Variants in MRTFA observed in about 807,000 individuals in gnomAD.
MRTFA encodes myocardin related transcription factor A.
A neutral mutation model predicts 83.5 loss-of-function variants in MRTFA; 20 were observed. That is an observed-to-expected ratio of 0.24 (90% CI 0.17 to 0.35). The LOEUF (loss-of-function observed/expected upper bound fraction) is 0.35. Among genes scored for constraint, MRTFA ranks in the 10% least tolerant of loss-of-function variants. The probability of loss-of-function intolerance (pLI) is 1.00; values close to 1 mark genes in which losing one functional copy is unlikely to be tolerated. For synonymous variants in MRTFA, 659 were observed against 541.2 expected (o/e 1.22, Z -3.02); for missense variants, 1,200 against 1,224.7 (o/e 0.98, Z 0.30).
chr22:40,485,034 T>C (rs1381927560), intron 3 of MRTFA, among the ~76,000 whole-genome samples: 2 of 149,390 alleles, frequency 1.3e-5, no homozygotes, highest in Non-Finnish European at 3.0e-5. Flanking sequence ...ATTGCGCCAC[T>C]GCACTCCAGC....
intron 3 of MRTFA, among the ~76,000 whole-genome samples, chr22:40,465,353 C>T (rs557239960): frequency 6.6e-6 from 1 of 152,190 alleles, no homozygotes; most frequent in South Asian, 2.1e-4. Context: ...AAGGATGTTA[C>T]AAACAGTCTG....
intron 1 of MRTFA, among the ~76,000 whole-genome samples, chr22:40,615,553 A>C (rs1422070761): frequency 6.6e-6 from 1 of 152,194 alleles, no homozygotes; most frequent in Non-Finnish European, 1.5e-5. Context: ...TTATTTGGGG[A>C]AGACTGGACA....
chr22:40,474,964 G>A (rs368911617), intron 3 of MRTFA, among the ~76,000 whole-genome samples: 4 of 151,880 alleles, frequency 2.6e-5, no homozygotes, highest in East Asian at 1.9e-4. Flanking sequence ...TCAGCCATCC[G>A]AGTAGCTGGG....
intron 3 of MRTFA, among the ~76,000 whole-genome samples, chr22:40,509,535 T>C (rs1309674675): frequency 6.6e-6 from 1 of 152,242 alleles, no homozygotes; most frequent in Non-Finnish European, 1.5e-5. Context: ...GGTGAGCTTC[T>C]CTTTCTCATC....
chr22:40,460,198 T>C (rs1276529396), intron 4 of MRTFA, among the ~76,000 whole-genome samples: 1 of 152,074 alleles, frequency 6.6e-6, no homozygotes, highest in Non-Finnish European at 1.5e-5. Context: ...GTGCTGGGAT[T>C]ATAGGTGTGA....
At chr22:40,449,004 G>A (rs974030612) in intron 4 of MRTFA, among the ~76,000 whole-genome samples, 2 of 152,164 alleles carry the variant, frequency 1.3e-5, no homozygotes, top group Non-Finnish European at 2.9e-5. Flanking sequence ...AGTGGCTCAC[G>A]CCTGTAATCC....
chr22:40,453,952 C>A (rs890753985), intron 4 of MRTFA, among the ~76,000 whole-genome samples: 3 of 152,130 alleles, frequency 2.0e-5, no homozygotes, highest in African/African-American at 7.2e-5. Flanking sequence ...AGGAAGAGGG[C>A]AAGCTCATAA....
chr22:40,498,278 T>TATATATATA (rs2054395334), intron 3 of MRTFA, among the ~76,000 whole-genome samples: 2 of 95,530 alleles, frequency 2.1e-5, no homozygotes, highest in East Asian at 3.3e-4. Context: ...TATATATTTT[T>TATATATATA]TTTTTTTTTT....
chr22:40,508,831 G>A (rs547561082), intron 3 of MRTFA, among the ~76,000 whole-genome samples: 1 of 148,772 alleles, frequency 6.7e-6, no homozygotes, highest in African/African-American at 2.5e-5. Flanking sequence ...GCAACATAGC[G>A]AGACTCTGCC....
At chr22:40,428,670 C>T (rs2053004482) in intron 7 of MRTFA, among the ~76,000 whole-genome samples, 2 of 152,276 alleles carry the variant, frequency 1.3e-5, no homozygotes, top group East Asian at 1.9e-4. Flanking sequence ...TGTGTTACCA[C>T]ACCCAGCTAA....
chr22:40,621,182 TAAA>T (rs764914497), intron 1 of MRTFA, among the ~76,000 whole-genome samples: 2 of 132,970 alleles, frequency 1.5e-5, no homozygotes, highest in Admixed American at 7.7e-5. Flanking sequence ...ACTCTGTCTT[TAAA>T]AAAAAAAAAA....
At chr22:40,628,871 G>GCAAC (rs1292730653) in intron 1 of MRTFA, among the ~76,000 whole-genome samples, 2 of 152,096 alleles carry the variant, frequency 1.3e-5, no homozygotes, top group East Asian at 3.9e-4. Flanking sequence ...AGAACTGAAG[G>GCAAC]CAACTTGAGC....
intron 5 of MRTFA, among the ~76,000 whole-genome samples, chr22:40,432,493 A>AAT (rs761843225): frequency 1.3e-4 from 20 of 151,896 alleles, no homozygotes; most frequent in South Asian, 4.2e-4. Context: ...GGCTAATTAT[A>AAT]ATATATATAT....
intron 2 of MRTFA, among the ~76,000 whole-genome samples, chr22:40,577,529 C>A (rs139612269): frequency 6.6e-6 from 1 of 152,024 alleles, no homozygotes; most frequent in African/African-American, 2.4e-5. Flanking sequence ...GGGCACTACC[C>A]ATCTCTGACA....
Position 40,417,449 on chromosome 22 carries a change from C to T in MRTFA, c.2409G>A (p.Gln803=), listed in dbSNP as rs573351693. The change falls in exon 13 of 15, where the codon CAG becomes CAA. Residue 803 remains glutamine, a synonymous_variant. Coordinates refer to ENST00000355630, the MANE Select transcript of MRTFA (RefSeq NM_020831.6). The stretch of plus-strand genomic sequence containing the variant: ...GCTGCAGTGGGTGCTCCAGGTCCAT[C>T]TGGGCAGAGGGGGCAGGCGCTGGAG... 6.2e-7 allele frequency: 1 copy of T among 1,602,250 alleles called. No individual in the cohort carries two copies. Among genetic ancestry groups the T allele is most frequent in the Admixed American group, 1.7e-5 (1 of 58,308 alleles).
intron 4 of MRTFA, among the ~76,000 whole-genome samples, chr22:40,458,847 G>A (rs1296824191): frequency 6.6e-6 from 1 of 152,070 alleles, no homozygotes; most frequent in African/African-American, 2.4e-5. Flanking sequence ...GAAGGCCGAG[G>A]TGGGCAGATC....
At chr22:40,433,241 T>G (rs1240855902) in intron 5 of MRTFA, 1 of 157,558 alleles carries the variant, frequency 6.3e-6, no homozygotes, top group Non-Finnish European at 1.4e-5. Context: ...ACCAGAGAAC[T>G]TTCAGGGCCA....
intron 2 of MRTFA, among the ~76,000 whole-genome samples, chr22:40,558,058 G>C (rs932028771): frequency 3.3e-5 from 5 of 151,798 alleles, no homozygotes; most frequent in Non-Finnish European, 7.4e-5. Context: ...ACAGGCATGA[G>C]AGCTCACCGA....
In MRTFA at chr22:40,487,758, T is replaced by C. The variant is rs139206278; in HGVS notation, c.242-24472A>G. On this transcript the variant is annotated intron_variant, in intron 3 of 14. Coordinates refer to ENST00000355630, the MANE Select transcript of MRTFA (RefSeq NM_020831.6). ...TCCTTCTGGAGGCCAGAATCGTTAA[T>C]GAGACTGAATAAAACTGAATTAGGA... 2.6e-5 allele frequency among the ~76,000 whole-genome samples: 4 copies of C among 152,358 alleles called. No individual in the cohort carries two copies. The East Asian group carries it at 5.8e-4, about 22-fold the overall frequency.
Sources: allele counts gnomAD v4.1 joint callset (sites outside exome capture counted in the v4.1 genomes callset), GRCh38; gene constraint gnomAD v4.1.1; transcripts MANE v1.5; gene names NCBI Gene and HGNC (gene_info 2026-07-23, HGNC 2026-07-21).